SSBP2: variants seen among roughly 807,000 people sequenced by gnomAD.
SSBP2 encodes single-stranded DNA-binding protein 2.
In SSBP2, 17 loss-of-function variants were observed where a neutral mutation model predicts 61.8. The ratio of observed to expected loss-of-function variants is 0.28; its 90% CI spans 0.19 to 0.41. The LOEUF (loss-of-function observed/expected upper bound fraction) is 0.41, where lower values mean the gene tolerates loss of function less well. Ranked by LOEUF, SSBP2 falls within the 10% of genes least tolerant of loss-of-function variation. SSBP2 has a pLI of 1.00. For missense variants in SSBP2, 310 were observed against 458.7 expected (o/e 0.68, Z 2.96); for synonymous variants, 139 against 141.3 (o/e 0.98, Z 0.12).
intron 3 of SSBP2, chr5:81,616,600 A>T (rs1359251248): frequency 2.1e-5 from 3 of 146,070 alleles, no homozygotes; most frequent in Admixed American, 6.8e-5. Flanking sequence ...GGAGCCCACC[A>T]CAGCTCAAGG....
At chr5:81,530,254 G>A (rs530079340) in intron 4 of SSBP2, among the ~76,000 whole-genome samples, 226 of 152,014 alleles carry the variant, frequency 1.5e-3, no homozygotes, top group Non-Finnish European at 2.9e-3. Flanking sequence ...TATAGATGAA[G>A]CAATTAGAAC....
chr5:81,543,011 T>C lies in SSBP2; in HGVS notation c.283-29294A>G, dbSNP rs188792709. ...CTGGGATTACAGGCATGTGCCACCA[T>C]GCCCATTTAATTTTTGTATTTTTAG... On this transcript the variant is annotated intron_variant, in intron 4 of 16. Transcript: ENST00000320672. Among the ~76,000 whole-genome samples, 440 of 152,064 alleles carry C rather than the reference T, an allele frequency of 2.9e-3. 3 individuals carry two copies. The highest frequency in any genetic ancestry group is 0.01 in the African/African-American group (417 of 41,480).
chr5:81,657,697 T>A (rs950797724), intron 1 of SSBP2, among the ~76,000 whole-genome samples: 2 of 152,202 alleles, frequency 1.3e-5, no homozygotes, highest in Non-Finnish European at 2.9e-5. Flanking sequence ...GGTAGCTTTA[T>A]GTCACCAGTA....
At chr5:81,741,222 C>A (rs1316513594) in intron 1 of SSBP2, among the ~76,000 whole-genome samples, 2 of 152,106 alleles carry the variant, frequency 1.3e-5, no homozygotes, top group African/African-American at 4.8e-5. Context: ...TCAAAAGTAG[C>A]CAGCCACAGA....
At chr5:81,422,309 A>G (rs1761664456) in intron 16 of SSBP2, among the ~76,000 whole-genome samples, 1 of 152,094 alleles carries the variant, frequency 6.6e-6, no homozygotes, top group Non-Finnish European at 1.5e-5. Flanking sequence ...GTACTGATGT[A>G]TGGATGGATT....
At chr5:81,674,642 A>T (rs758005219) in intron 1 of SSBP2, among the ~76,000 whole-genome samples, 49 of 152,338 alleles carry the variant, frequency 3.2e-4, no homozygotes, top group Admixed American at 5.9e-4. Context: ...TTCAAAGAGC[A>T]GATAATTTCT....
At chr5:81,513,475 T>C (rs1580884070) in intron 5 of SSBP2, among the ~76,000 whole-genome samples, 153 bp downstream of exon 5, 1 of 152,196 alleles carries the variant, frequency 6.6e-6, no homozygotes, top group East Asian at 1.9e-4. Context: ...AAGAAAGGGA[T>C]ATAATAGATA....
chr5:81,420,578 A>C (rs373797594), intron 16 of SSBP2, 45 bp from the exon 17 acceptor site: 111 of 1,514,178 alleles, frequency 7.3e-5, no homozygotes, highest in Non-Finnish European at 9.2e-5. Context: ...ATTCTTTTAG[A>C]GATCACTAAG....
At chr5:81,506,503 TG>T (rs1200406117) in intron 5 of SSBP2, among the ~76,000 whole-genome samples, 1 of 152,154 alleles carries the variant, frequency 6.6e-6, no homozygotes, top group Non-Finnish European at 1.5e-5. Context: ...AGATCTAAGA[TG>T]GTATTTATAA....
chr5:81,724,954 ATG>A (rs771406679), intron 1 of SSBP2, among the ~76,000 whole-genome samples: 20 of 152,222 alleles, frequency 1.3e-4, no homozygotes, highest in Non-Finnish European at 2.5e-4. Context: ...TAGCCAATTC[ATG>A]TTTATTTATT....
intron 5 of SSBP2, among the ~76,000 whole-genome samples, chr5:81,507,467 C>T (rs1768265232): frequency 6.6e-6 from 1 of 151,778 alleles, no homozygotes; most frequent in Non-Finnish European, 1.5e-5. Context: ...AGATAAAAAT[C>T]AAAATACATG....
intron 1 of SSBP2, among the ~76,000 whole-genome samples, chr5:81,656,473 T>C (rs1750219961): frequency 6.6e-6 from 1 of 152,178 alleles, no homozygotes; most frequent in Non-Finnish European, 1.5e-5. Context: ...GCTAATATGT[T>C]TAATATATAA....
intron 3 of SSBP2, among the ~76,000 whole-genome samples, chr5:81,634,420 C>A (rs1272706385): frequency 6.6e-6 from 1 of 152,118 alleles, no homozygotes; most frequent in Admixed American, 6.5e-5. Context: ...AGTCTCGTGT[C>A]TCCCTAAGAT....
intron 6 of SSBP2, among the ~76,000 whole-genome samples, chr5:81,481,376 C>T (rs1221510982): frequency 1.3e-5 from 2 of 152,192 alleles, no homozygotes; most frequent in Non-Finnish European, 2.9e-5. Flanking sequence ...AATCTCAACA[C>T]TTTGGGAGGC....
intron 15 of SSBP2, among the ~76,000 whole-genome samples, chr5:81,436,868 C>A (rs1446309501): frequency 2.0e-5 from 3 of 152,038 alleles, no homozygotes; most frequent in African/African-American, 4.8e-5. Flanking sequence ...AGGGAAAATG[C>A]AAACACATAC....
chr5:81,508,758 A>G (rs1403576788), intron 5 of SSBP2, among the ~76,000 whole-genome samples: 1 of 152,202 alleles, frequency 6.6e-6, no homozygotes, highest in Non-Finnish European at 1.5e-5. Flanking sequence ...TAACATAAAC[A>G]GGAAAAAAAG....
intron 1 of SSBP2, among the ~76,000 whole-genome samples, chr5:81,685,764 C>T (rs1019688095): frequency 1.3e-5 from 2 of 152,168 alleles, no homozygotes; most frequent in Admixed American, 1.3e-4. Context: ...AAGCAATAAA[C>T]AGCCAAGGGC....
chr5:81,731,313 G>C (rs1238735139), intron 1 of SSBP2, among the ~76,000 whole-genome samples: 1 of 151,826 alleles, frequency 6.6e-6, no homozygotes, highest in African/African-American at 2.4e-5. Flanking sequence ...GAAGACCAAA[G>C]ATAAAAAAAT....
intron 3 of SSBP2, among the ~76,000 whole-genome samples, chr5:81,628,192 TTA>T (rs1292187352): frequency 2.0e-5 from 3 of 152,228 alleles, no homozygotes; most frequent in Non-Finnish European, 4.4e-5. Flanking sequence ...CTCAGGAAGC[TTA>T]GAATCCATGG....
Sources: allele counts gnomAD v4.1 joint callset (sites outside exome capture counted in the v4.1 genomes callset), GRCh38; gene constraint gnomAD v4.1.1; transcripts MANE v1.5; gene names NCBI Gene and HGNC (gene_info 2026-07-23, HGNC 2026-07-21).